The following NRG1 variants were observed in gnomAD, a reference collection of about 807,000 sequenced individuals.
NRG1 encodes the protein pro-neuregulin-1, membrane-bound isoform.
In NRG1, 18 loss-of-function variants were observed where a neutral mutation model predicts 63.8. The observed-to-expected ratio is 0.28, with a 90% confidence interval of 0.19 to 0.42. The LOEUF is 0.42. Ranked by LOEUF, NRG1 falls within the 10% of genes least tolerant of loss-of-function variation. The pLI, the probability that NRG1 is intolerant of heterozygous loss-of-function variation, is 1.00. For synonymous variants in NRG1, 302 were observed against 301.3 expected (o/e 1.00, Z -0.02); for missense variants, 762 against 814.7 (o/e 0.94, Z 0.79).
chr8:31,711,280 A>G (rs1811716782), intron 1 of NRG1, among the ~76,000 whole-genome samples: 1 of 152,328 alleles, frequency 6.6e-6, no homozygotes, highest in Non-Finnish European at 1.5e-5. Flanking sequence ...TACTGTCGTC[A>G]AGAAAGATTA....
intron 1 of NRG1, among the ~76,000 whole-genome samples, chr8:32,344,738 A>G (rs1804661743): frequency 6.6e-6 from 1 of 151,258 alleles, no homozygotes; most frequent in East Asian, 2.0e-4. Flanking sequence ...GTGAGCCACC[A>G]TATTTGGCCA....
At chr8:32,506,171 C>A (rs1828500479) in intron 1 of NRG1, among the ~76,000 whole-genome samples, 1 of 152,072 alleles carries the variant, frequency 6.6e-6, no homozygotes, top group Non-Finnish European at 1.5e-5. Context: ...ATTGTTTGAC[C>A]CTGGGAGTTT....
At chr8:32,304,011 G>A (rs561744207) in intron 1 of NRG1, among the ~76,000 whole-genome samples, 19 of 152,294 alleles carry the variant, frequency 1.2e-4, no homozygotes, top group African/African-American at 4.3e-4. Context: ...TGTTAGGAAG[G>A]TAATGTTGAC....
chr8:32,286,364 G>A (rs778150355), intron 1 of NRG1, among the ~76,000 whole-genome samples: 1 of 152,216 alleles, frequency 6.6e-6, no homozygotes, highest in Non-Finnish European at 1.5e-5. Flanking sequence ...GGTGGGGGCT[G>A]ATGGTCAGGG....
At chr8:31,951,294 G>A (rs1803422146) in intron 1 of NRG1, among the ~76,000 whole-genome samples, 1 of 152,142 alleles carries the variant, frequency 6.6e-6, no homozygotes, top group Admixed American at 6.5e-5. Flanking sequence ...TTCCACCTGA[G>A]CAATCACCAG....
At chr8:32,647,851 A>G (rs1853988488) in intron 5 of NRG1, 8 of 1,613,946 alleles carry the variant, frequency 5.0e-6, no homozygotes, top group Non-Finnish European at 5.9e-6. Context: ...CAGACTGAAG[A>G]TGGGAGAACC....
chr8:32,095,096 G>T (rs940731168), intron 1 of NRG1, among the ~76,000 whole-genome samples: 1 of 152,182 alleles, frequency 6.6e-6, no homozygotes, highest in East Asian at 1.9e-4. Flanking sequence ...ATTTTTAGTA[G>T]AGACAGGGTT....
chr8:31,669,423 G>A (rs1274798260), intron 1 of NRG1, among the ~76,000 whole-genome samples: 3 of 151,966 alleles, frequency 2.0e-5, no homozygotes, highest in Non-Finnish European at 4.4e-5. Context: ...TTTTTTTGTA[G>A]AGATGGGGTT....
chr8:32,223,870 G>A (rs1302506768), intron 1 of NRG1, among the ~76,000 whole-genome samples: 1 of 152,140 alleles, frequency 6.6e-6, no homozygotes, highest in African/African-American at 2.4e-5. Flanking sequence ...CTATGAGTAA[G>A]AGGACAAGAT....
chr8:32,134,051 A>G (rs1039752458), intron 1 of NRG1, among the ~76,000 whole-genome samples: 3 of 152,268 alleles, frequency 2.0e-5, no homozygotes, highest in Admixed American at 2.0e-4. Flanking sequence ...TGCCCAGCTT[A>G]TAGGTGGTTG....
chr8:31,799,208 A>G (rs1172588670), intron 1 of NRG1, among the ~76,000 whole-genome samples: 4 of 152,164 alleles, frequency 2.6e-5, no homozygotes, highest in Non-Finnish European at 5.9e-5. Flanking sequence ...TTTATTCAAT[A>G]GTGTCCATGT....
At position 32,663,325 on chromosome 8, in the gene NRG1, T is replaced by C. The variant is rs896822778; in HGVS notation, c.502+46440T>C. Among the ~76,000 whole-genome samples the C allele has an allele frequency of 4.6e-5, 7 of 152,174 alleles. No homozygotes were observed. The South Asian group carries it at 6.2e-4, about 13-fold the overall frequency. ...TACTTTCCTCTCTTTCCTCTAGGCT[T>C]TGACAGTATCCAGTATTTTCCACCC... On this transcript the variant is annotated intron_variant, in intron 5 of 11. Transcript: ENST00000356819.
At chr8:32,355,122 A>AT (rs1455193624) in intron 1 of NRG1, among the ~76,000 whole-genome samples, 7 of 152,258 alleles carry the variant, frequency 4.6e-5, no homozygotes, top group Non-Finnish European at 8.8e-5. Flanking sequence ...TAATTTGATA[A>AT]TTTTTTTAGA....
At chr8:32,727,763 TA>T in intron 5 of NRG1, among the ~76,000 whole-genome samples, 185 bp from the exon 6 acceptor site, 1 of 152,232 alleles carries the variant, frequency 6.6e-6, no homozygotes, top group East Asian at 1.9e-4. Context: ...CTCTCTTTTA[TA>T]ATTTGATTCT....
intron 1 of NRG1, among the ~76,000 whole-genome samples, chr8:32,401,527 A>G (rs1352215919): frequency 1.3e-5 from 2 of 152,102 alleles, no homozygotes; most frequent in African/African-American, 2.4e-5. Context: ...TTTGCATTCT[A>G]TAGTCATTCG....
intron 1 of NRG1, among the ~76,000 whole-genome samples, chr8:32,173,422 AC>A (rs1158600566): frequency 1.3e-5 from 2 of 152,224 alleles, no homozygotes; most frequent in Non-Finnish European, 2.9e-5. Context: ...CTAGGAAGAA[AC>A]TGCATCCACT....
At chr8:32,195,771 C>T (rs752143560) in intron 1 of NRG1, among the ~76,000 whole-genome samples, 1 of 152,066 alleles carries the variant, frequency 6.6e-6, no homozygotes. Context: ...GAAATCCTAG[C>T]GTAGACATTG....
intron 1 of NRG1, among the ~76,000 whole-genome samples, chr8:32,104,907 CT>C (rs34226035): frequency 0.14 from 20,666 of 145,556 alleles, 2,147 homozygotes; most frequent in East Asian, 0.28. Flanking sequence ...TCACAGTTAA[CT>C]TTTTTTTTTT....
chr8:32,145,679 T>C (rs1285675305), intron 1 of NRG1, among the ~76,000 whole-genome samples: 1 of 152,234 alleles, frequency 6.6e-6, no homozygotes, highest in Non-Finnish European at 1.5e-5. Flanking sequence ...GCCCTGAAGA[T>C]ATACAGATAA....
Sources: gnomAD v4.1 joint callset for allele counts (sites outside exome capture counted in the v4.1 genomes callset) on GRCh38, gnomAD v4.1.1 for gene constraint, MANE v1.5 for transcripts, NCBI Gene and HGNC (gene_info 2026-07-23, HGNC 2026-07-21) for gene names.